The following NCOA6 variants were observed in gnomAD, a reference collection of about 807,000 sequenced individuals.
NCOA6 encodes the protein nuclear receptor coactivator 6.
Under a neutral mutation model 171.4 loss-of-function variants are expected in NCOA6, and 49 were observed. That is an observed-to-expected ratio of 0.29 (90% CI 0.23 to 0.36). The LOEUF (loss-of-function observed/expected upper bound fraction) is 0.36, where lower values mean the gene tolerates loss of function less well. Among genes scored for constraint, NCOA6 ranks in the 10% least tolerant of loss-of-function variants. The pLI is 1.00. For missense variants in NCOA6, 2,248 were observed against 2,554.5 expected (o/e 0.88, Z 2.59); for synonymous variants, 910 against 927.5 (o/e 0.98, Z 0.34).
At chr20:34,793,623 T>C (rs1463320409) in intron 1 of NCOA6, among the ~76,000 whole-genome samples, 2 of 150,390 alleles carry the variant, frequency 1.3e-5, no homozygotes, top group East Asian at 3.9e-4. Context: ...ATCCTGTCTC[T>C]AAAAAAAATA....
At chr20:34,818,207 T>C (rs549640958) in intron 1 of NCOA6, among the ~76,000 whole-genome samples, 6 of 152,288 alleles carry the variant, frequency 3.9e-5, no homozygotes, top group Non-Finnish European at 8.8e-5. Context: ...ATGTGAGCCA[T>C]TGGCCAGGCA....
At chr20:34,764,959 C>T (rs1470549162) in intron 5 of NCOA6, among the ~76,000 whole-genome samples, 2 of 151,696 alleles carry the variant, frequency 1.3e-5, no homozygotes, top group Non-Finnish European at 2.9e-5. Flanking sequence ...ACTAAAAATA[C>T]AAAAATTAGC....
In NCOA6 at chr20:34,757,949, GT is replaced by G; in HGVS notation, c.798del (p.Gln266HisfsTer73). The stretch of plus-strand genomic sequence containing the variant: ...TGCTGCTGCTGCTGCTGCTGTTGTT[GT>G]TGTTGCTGCTGCTGCTGCAGCTGGG... ...NFPQLQQQQQ[Q>X]QQQQQQQQQQ... On this transcript the variant is annotated frameshift_variant, in exon 7 of 15. Coordinates refer to ENST00000359003, the MANE Select transcript of NCOA6 (RefSeq NM_014071.5). LOFTEE classifies it high-confidence loss of function. The G allele has an allele frequency of 6.2e-7, 1 of 1,614,048 alleles. No homozygotes were observed. Among genetic ancestry groups the G allele is most frequent in the Non-Finnish European group, 8.5e-7 (1 of 1,179,974 alleles).
chr20:34,721,238 C>CAAAAAAAAAAAAAAAAAAAAAAA (rs10531679), intron 14 of NCOA6, among the ~76,000 whole-genome samples: 7 of 66,046 alleles, frequency 1.1e-4, no homozygotes, highest in African/African-American at 4.5e-4. Flanking sequence ...TTCCTCTATA[C>CAAAAAAAAAAAAAAAAAAAAAAA]AAAAAAAAAA....
In NCOA6 at chr20:34,742,141, C is replaced by A; in HGVS notation, c.4115G>T (p.Arg1372Ile). 4 of 1,614,158 alleles carry A rather than the reference C, an allele frequency of 2.5e-6. No homozygotes were observed. The highest frequency in any genetic ancestry group is 2.5e-6 in the Non-Finnish European group (3 of 1,180,034). ...AALLQNVELP[R>I]NVLVSPTPLA... The stretch of plus-strand genomic sequence containing the variant: ...AGGAGTGGGACTGACCAATACATTT[C>A]TCGGCAACTCCACATTCTGCAATAG... Residue 1372 changes from arginine to isoleucine, a missense_variant, in exon 11 of 15, where the codon AGA (arginine) becomes ATA (isoleucine). Around this residue, in one of 7 missense-constraint regions of NCOA6, gnomAD observed 884 missense variants for 941.9 expected, o/e 0.94. Coordinates refer to ENST00000359003, the MANE Select transcript of NCOA6 (RefSeq NM_014071.5).
At chr20:34,825,287 G>A (rs1475002637) in intron 1 of NCOA6, among the ~76,000 whole-genome samples, 185 bp downstream of exon 1, 2 of 151,520 alleles carry the variant, frequency 1.3e-5, no homozygotes, top group Non-Finnish European at 2.9e-5. Flanking sequence ...TGGCGACGGG[G>A]ACACAAGCGC....
At chr20:34,825,305 G>C (rs2079120730) in intron 1 of NCOA6, among the ~76,000 whole-genome samples, 167 bp downstream of exon 1, 1 of 150,952 alleles carries the variant, frequency 6.6e-6, no homozygotes, top group African/African-American at 2.4e-5. Flanking sequence ...CGCGGCGGGC[G>C]GGGCGGCTCC....
Position 34,750,521 on chromosome 20 carries a change from T to TA in NCOA6, c.1676-3_1676-2insT. The TA allele has an allele frequency of 6.5e-7, 1 of 1,548,728 alleles. No individual in the cohort carries two copies. The highest frequency in any genetic ancestry group is 1.2e-5 in the South Asian group (1 of 82,036). On this transcript the variant is annotated splice_polypyrimidine_tract_variant and splice_region_variant and intron_variant, in intron 8 of 14. Transcript: ENST00000359003. ...GAGGAGGACCAGCTCCTTGACCACC[T>TA]TAAAAAAAAAAAAAGTCACAGTTTC... is the stretch of plus-strand genomic sequence containing the variant.
chr20:34,818,311 G>A (rs978831961), intron 1 of NCOA6, among the ~76,000 whole-genome samples: 2 of 151,940 alleles, frequency 1.3e-5, no homozygotes, highest in African/African-American at 2.4e-5. Flanking sequence ...TTATAATCAC[G>A]CCACTGCACT....
intron 1 of NCOA6, among the ~76,000 whole-genome samples, chr20:34,798,956 A>C (rs1447868809): frequency 6.6e-6 from 1 of 152,210 alleles, no homozygotes; most frequent in Non-Finnish European, 1.5e-5. Flanking sequence ...ACAAACATCA[A>C]GGTAATCCAA....
intron 4 of NCOA6, among the ~76,000 whole-genome samples, chr20:34,772,402 G>A (rs780607220): frequency 6.6e-5 from 10 of 151,914 alleles, no homozygotes; most frequent in Non-Finnish European, 1.0e-4. Flanking sequence ...TGCCTGGTAC[G>A]TGGCAGATGC....
intron 9 of NCOA6, 95 bp downstream of exon 9, chr20:34,749,308 A>G: frequency 7.3e-7 from 1 of 1,370,028 alleles, no homozygotes; most frequent in Non-Finnish European, 1.0e-6. Context: ...TCATTATACT[A>G]TTCTAGTTTT....
rs534336403 is a variant in NCOA6, at chr20:34,778,921, T to C, written c.236-2473A>G. ...TTGCAGAGAGCCGAGATCGCACCAC[T>C]GCACTCCAGCCTGGGTGACAGAGCA... On this transcript the variant is annotated intron_variant, in intron 3 of 14. Coordinates refer to ENST00000359003, the MANE Select transcript of NCOA6 (RefSeq NM_014071.5). 4.4e-4 allele frequency among the ~76,000 whole-genome samples: 61 copies of C among 137,674 alleles called. 2 individuals are homozygous for C. The South Asian group carries it at 0.014, about 32-fold the overall frequency. The allele number at this position is 137,674 out of a possible 152,430, so 90.3% of individuals were successfully genotyped here.
At chr20:34,803,991 A>C (rs1416319423) in intron 1 of NCOA6, among the ~76,000 whole-genome samples, 3 of 150,926 alleles carry the variant, frequency 2.0e-5, no homozygotes, top group Admixed American at 6.6e-5. Context: ...AAAAAAAAAA[A>C]CAAAAAACCG....
At chr20:34,766,161 G>T (rs1321872536) in intron 5 of NCOA6, among the ~76,000 whole-genome samples, 1 of 152,046 alleles carries the variant, frequency 6.6e-6, no homozygotes, top group African/African-American at 2.4e-5. Flanking sequence ...GATATCTTGG[G>T]GGTTAAGATG....
At chr20:34,806,149 C>T (rs1258837885) in intron 1 of NCOA6, among the ~76,000 whole-genome samples, 2 of 152,132 alleles carry the variant, frequency 1.3e-5, no homozygotes, top group Admixed American at 6.5e-5. Flanking sequence ...TTTTGATTTG[C>T]ATTTCTTGAT....
intron 9 of NCOA6, 108 bp from the exon 10 acceptor site, chr20:34,747,036 G>T: frequency 9.0e-7 from 1 of 1,111,046 alleles, no homozygotes; most frequent in Non-Finnish European, 1.2e-6. Context: ...TAAAATGTTT[G>T]CATTACCATT....
rs778793143 is a variant in NCOA6 at position 34,750,034 on chromosome 20, T to C, written c.2161A>G (p.Met721Val). The stretch of plus-strand genomic sequence containing the variant: ...TTAAACTGCTGCTTATTCCCCTGCA[T>C]TTGATTGGTCATAATCTGCTCTATC... ...PMIEQIMTNQ[M>V]QGNKQQFNTQ... The change falls in exon 9 of 15, where the codon ATG becomes GTG. Residue 721 changes from methionine (M) to valine (V), a missense_variant. Transcript: ENST00000359003. 1 of 1,614,246 alleles carries C rather than the reference T, an allele frequency of 6.2e-7. No individual in the cohort carries two copies. The highest frequency in any genetic ancestry group is 1.1e-5 in the South Asian group (1 of 91,088).
chr20:34,730,470 C>T (rs1990481324), intron 13 of NCOA6, among the ~76,000 whole-genome samples: 1 of 152,112 alleles, frequency 6.6e-6, no homozygotes, highest in Non-Finnish European at 1.5e-5. Flanking sequence ...GGTCAATGCT[C>T]AGGTATCTCT....
Sources: allele counts gnomAD v4.1 joint callset (sites outside exome capture counted in the v4.1 genomes callset), GRCh38; gene constraint gnomAD v4.1.1; regional missense constraint gnomAD v4.1.1; transcripts MANE v1.5; gene names NCBI Gene and HGNC (gene_info 2026-07-23, HGNC 2026-07-21).